The following SGCD variants were observed in gnomAD, a reference collection of about 807,000 sequenced individuals.
SGCD encodes sarcoglycan delta, also known as delta-sarcoglycan.
A neutral mutation model predicts 36.6 loss-of-function variants in SGCD; 18 were observed. The ratio of observed to expected loss-of-function variants is 0.49; its 90% CI spans 0.34 to 0.73. The LOEUF is 0.73. SGCD is among the 30% of genes least tolerant of loss of function. The pLI, the probability that SGCD is intolerant of heterozygous loss-of-function variation, is 0.01. For synonymous variants in SGCD, 133 were observed against 130.6 expected (o/e 1.02, Z -0.12); for missense variants, 387 against 346.7 (o/e 1.12, Z -0.92).
intron 1 of SGCD, among the ~76,000 whole-genome samples, chr5:156,035,028 T>C (rs1247904927): frequency 6.6e-6 from 1 of 152,188 alleles, no homozygotes; most frequent in Non-Finnish European, 1.5e-5. Context: ...TCTACATGTT[T>C]CCAGTGTAAG....
chr5:156,764,657 C>T lies in SGCD; in HGVS notation c.*5267C>T, dbSNP rs1171554315. The T allele has an allele frequency of 1.3e-5, 2 of 152,320 alleles. No individual in the cohort carries two copies. Among genetic ancestry groups the T allele is most frequent in the Non-Finnish European group, 2.9e-5 (2 of 68,026 alleles). 9.4% of individuals were successfully genotyped at this position (152,320 alleles called of 1,614,324 possible). ...CATGCTGTTTTCTTTGGTTCTCCCC[C>T]TACCTTCCTTTTGTAGATATTGACA... On this transcript the variant is annotated 3_prime_UTR_variant, in exon 9 of 9. Coordinates refer to ENST00000337851, the MANE Select transcript of SGCD (RefSeq NM_000337.6).
intron 3 of SGCD, among the ~76,000 whole-genome samples, chr5:156,235,882 A>G (rs1340378705): frequency 6.6e-6 from 1 of 152,210 alleles, no homozygotes; most frequent in Non-Finnish European, 1.5e-5. Flanking sequence ...GGGAAATCCA[A>G]AGAAGAAGAA....
intron 4 of SGCD, among the ~76,000 whole-genome samples, chr5:156,565,882 T>C (rs1759459932): frequency 6.6e-6 from 1 of 152,232 alleles, no homozygotes; most frequent in South Asian, 2.1e-4. Flanking sequence ...GACCTCATCC[T>C]TTTTTATGGC....
intron 1 of SGCD, among the ~76,000 whole-genome samples, chr5:155,980,775 G>A (rs1758211962): frequency 6.6e-6 from 1 of 152,054 alleles, no homozygotes; most frequent in Admixed American, 6.5e-5. Flanking sequence ...TTTGGTAGGA[G>A]AATGCAAAAA....
At chr5:155,981,619 A>G (rs1456411041) in intron 1 of SGCD, among the ~76,000 whole-genome samples, 3 of 151,940 alleles carry the variant, frequency 2.0e-5, no homozygotes, top group African/African-American at 7.3e-5. Flanking sequence ...AGTGCCTCCT[A>G]CTTCTGCTGT....
chr5:156,062,167 G>T (rs1175041470), intron 1 of SGCD, among the ~76,000 whole-genome samples: 1 of 87,798 alleles, frequency 1.1e-5, no homozygotes, highest in Non-Finnish European at 2.0e-5. Flanking sequence ...CCACCTATGA[G>T]TGAGAATATG....
At chr5:156,512,081 C>G (rs1756957266) in intron 4 of SGCD, among the ~76,000 whole-genome samples, 1 of 150,166 alleles carries the variant, frequency 6.7e-6, no homozygotes, top group African/African-American at 2.5e-5. Flanking sequence ...GTAATCCCAG[C>G]TATTCCGGAG....
chr5:155,762,455 T>C, the SGCD span, among the ~76,000 whole-genome samples: 5 of 152,364 alleles, frequency 3.3e-5, no homozygotes, highest in South Asian at 1.0e-3. Context: ...TCTTTCTTGC[T>C]TTATAGTTTG....
chr5:156,605,113 C>G (rs557701272), intron 6 of SGCD, among the ~76,000 whole-genome samples: 4 of 151,530 alleles, frequency 2.6e-5, no homozygotes, highest in Non-Finnish European at 4.4e-5. Context: ...GGTTTGTTAC[C>G]TATGTATACA....
intron 3 of SGCD, among the ~76,000 whole-genome samples, chr5:156,416,313 C>T (rs535558375): frequency 2.0e-5 from 3 of 152,168 alleles, no homozygotes; most frequent in Non-Finnish European, 1.5e-5. Context: ...GGGACCTAAA[C>T]TGTGAGGACA....
At chr5:156,205,992 T>TTA (rs142523748) in intron 3 of SGCD, among the ~76,000 whole-genome samples, 374 of 146,818 alleles carry the variant, frequency 2.5e-3, no homozygotes, top group African/African-American at 6.1e-3. Flanking sequence ...TATATATATT[T>TTA]TATATATATA....
the SGCD span, among the ~76,000 whole-genome samples, chr5:155,730,723 C>G: frequency 6.6e-6 from 1 of 152,210 alleles, no homozygotes; most frequent in African/African-American, 2.4e-5. Context: ...AAAGAACCCT[C>G]TGCTGTTGAC....
At chr5:156,432,021 G>A (rs1456797804) in intron 3 of SGCD, among the ~76,000 whole-genome samples, 1 of 152,150 alleles carries the variant, frequency 6.6e-6, no homozygotes, top group Non-Finnish European at 1.5e-5. Context: ...CAGCCAGACT[G>A]CAATGATTGT....
intron 3 of SGCD, among the ~76,000 whole-genome samples, chr5:156,447,089 G>A (rs1753783547): frequency 6.6e-6 from 1 of 152,118 alleles, no homozygotes; most frequent in Non-Finnish European, 1.5e-5. Context: ...GGATAACACA[G>A]GTCGTTAAAG....
intron 4 of SGCD, among the ~76,000 whole-genome samples, chr5:156,525,542 A>T (rs1757611039): frequency 6.9e-6 from 1 of 145,574 alleles, no homozygotes; most frequent in Non-Finnish European, 1.5e-5. Context: ...CATTTTGTTG[A>T]TTTTTTTTTT....
At chr5:156,188,674 C>CCA (rs1561557030) in intron 3 of SGCD, among the ~76,000 whole-genome samples, 1 of 134,846 alleles carries the variant, frequency 7.4e-6, no homozygotes, top group African/African-American at 2.7e-5. Flanking sequence ...AACCGCCCCC[C>CCA]CCGACACACA....
chr5:156,682,944 C>T (rs1753777329), intron 7 of SGCD, among the ~76,000 whole-genome samples: 1 of 152,166 alleles, frequency 6.6e-6, no homozygotes, highest in Non-Finnish European at 1.5e-5. Context: ...CTTCTTTGCA[C>T]ACATTCACAC....
At chr5:156,350,330 TTCAACAATTTG>T (rs1446030948) in intron 3 of SGCD, among the ~76,000 whole-genome samples, 2 of 150,128 alleles carry the variant, frequency 1.3e-5, no homozygotes, top group Non-Finnish European at 3.0e-5. Flanking sequence ...GTTTGGTTTG[TTCAACAATTTG>T]AGATTTGGGA....
intron 1 of SGCD, among the ~76,000 whole-genome samples, chr5:156,062,397 G>A (rs1760238638): frequency 1.2e-5 from 1 of 80,306 alleles, no homozygotes; most frequent in South Asian, 4.2e-4. Context: ...AAACATACGT[G>A]TGCATGTGTC....
Sources: allele counts gnomAD v4.1 joint callset (sites outside exome capture counted in the v4.1 genomes callset), GRCh38; gene constraint gnomAD v4.1.1; transcripts MANE v1.5; gene names NCBI Gene and HGNC (gene_info 2026-07-23, HGNC 2026-07-21).